Variants in MAP3K7CL observed in about 807,000 individuals in gnomAD.
The protein encoded by MAP3K7CL is MAP3K7 C-terminal-like protein.
A neutral mutation model predicts 18.6 loss-of-function variants in MAP3K7CL; 16 were observed. That is an observed-to-expected ratio of 0.86 (90% CI 0.58 to 1.31). MAP3K7CL has a LOEUF of 1.31. Ranked by LOEUF, MAP3K7CL falls within the 50% of genes most tolerant of loss-of-function variation. The probability of loss-of-function intolerance (pLI) is 0.00; values close to 1 mark genes in which losing one functional copy is unlikely to be tolerated. For synonymous variants in MAP3K7CL, 65 were observed against 66.8 expected (o/e 0.97, Z 0.13); for missense variants, 163 against 174.4 (o/e 0.93, Z 0.37).
rs116067037 is a variant in MAP3K7CL at position 29,133,553 on chromosome 21, G to A, written c.70+139G>A. On this transcript the variant is annotated intron_variant, in intron 2 of 4. Transcript: ENST00000399928. The stretch of plus-strand genomic sequence containing the variant: ...GATGGGGAATGTGATATTTCATCAT[G>A]CATTGTTAGATGGCGGCTTCCAGAA... 1,559 of 548,554 alleles carry A rather than the reference G, an allele frequency of 2.8e-3. 18 individuals are homozygous for A. The highest frequency in any genetic ancestry group is 0.027 in the African/African-American group (1,387 of 51,984). 34.0% of individuals were successfully genotyped at this position (548,554 alleles called of 1,614,324 possible).
At chr21:29,158,767 TAGAG>T (rs74265523) in intron 3 of MAP3K7CL, among the ~76,000 whole-genome samples, 20,613 of 151,996 alleles carry the variant, frequency 0.14, 2,261 homozygotes, top group African/African-American at 0.3. Context: ...AGTTTATATA[TAGAG>T]AGAGACCATT....
intron 4 of MAP3K7CL, among the ~76,000 whole-genome samples, chr21:29,115,733 G>A (rs768989786): frequency 2.0e-5 from 3 of 152,176 alleles, no homozygotes; most frequent in African/African-American, 4.8e-5. Flanking sequence ...CTTTCAAGAC[G>A]GCAGCAGCAT....
At chr21:29,080,235 T>C (rs1364691767) in intron 1 of MAP3K7CL, among the ~76,000 whole-genome samples, 1 of 152,252 alleles carries the variant, frequency 6.6e-6, no homozygotes, top group African/African-American at 2.4e-5. Context: ...GGTCTTCTAC[T>C]GCAAGGCTGG....
At chr21:29,145,431 A>G (rs1331995963) in intron 2 of MAP3K7CL, 1 of 152,194 alleles carries the variant, frequency 6.6e-6, no homozygotes, top group Non-Finnish European at 1.5e-5. Context: ...GATTCAGCCA[A>G]ATGTTTTTGG....
intron 4 of MAP3K7CL, chr21:29,122,320 C>T (rs1444903924): frequency 6.6e-6 from 1 of 152,128 alleles, no homozygotes; most frequent in Non-Finnish European, 1.5e-5. Flanking sequence ...CCCCTGGAGC[C>T]CTGAGGGCAT....
At chr21:29,167,409 AG>A (rs1010062117) in intron 4 of MAP3K7CL, among the ~76,000 whole-genome samples, 2 of 152,226 alleles carry the variant, frequency 1.3e-5, no homozygotes, top group African/African-American at 2.4e-5. Flanking sequence ...CATCTCATCT[AG>A]GGGAACATAT....
intron 4 of MAP3K7CL, among the ~76,000 whole-genome samples, chr21:29,167,373 T>C (rs746854624): frequency 2.9e-4 from 44 of 152,194 alleles, no homozygotes; most frequent in Non-Finnish European, 4.9e-4. Context: ...CTTTTTAAAA[T>C]GTATAAAATG....
In MAP3K7CL at chr21:29,139,479, A is replaced by C. The variant is rs191282944; in HGVS notation, c.70+6065A>C. On this transcript the variant is annotated intron_variant, in intron 2 of 4. Transcript: ENST00000399928. ...CCTCAGGATCCGAAGTAATCTTCGG[A>C]TCTAGTAATCTCTTCTCTCCACACT... 86 of 152,250 alleles carry C rather than the reference A, an allele frequency of 5.6e-4. 1 individual carries two copies. Among genetic ancestry groups the C allele is most frequent in the African/African-American group, 1.9e-3 (79 of 41,524 alleles). The allele number at this position is 152,250 out of a possible 1,614,324, so 9.4% of individuals were successfully genotyped here.
chr21:29,172,241 C>CTTTTTT (rs35612617), intron 4 of MAP3K7CL, among the ~76,000 whole-genome samples: 140 of 126,168 alleles, frequency 1.1e-3, no homozygotes, highest in Middle Eastern at 4.5e-3. Context: ...TTGTCATTTT[C>CTTTTTT]TTTTTTTTTT....
At chr21:29,163,608 C>A (rs940914515) in intron 4 of MAP3K7CL, among the ~76,000 whole-genome samples, 2 of 152,136 alleles carry the variant, frequency 1.3e-5, no homozygotes, top group African/African-American at 4.8e-5. Context: ...TTGGCCTCCT[C>A]ACTTCTCCCG....
At chr21:29,087,463 T>C (rs1165753565) in intron 1 of MAP3K7CL, among the ~76,000 whole-genome samples, 1 of 152,068 alleles carries the variant, frequency 6.6e-6, no homozygotes. Flanking sequence ...GTTCAATAAA[T>C]GAATGAACCT....
intron 3 of MAP3K7CL, among the ~76,000 whole-genome samples, chr21:29,091,948 T>C (rs577862105): frequency 6.6e-6 from 1 of 152,346 alleles, no homozygotes; most frequent in East Asian, 1.9e-4. Context: ...ATGAAGAAAC[T>C]GAGCATGGGG....
At chr21:29,126,849 G>A (rs1379402042), upstream of MAP3K7CL, among the ~76,000 whole-genome samples, 1 of 152,138 alleles carries the variant, frequency 6.6e-6, no homozygotes, top group Non-Finnish European at 1.5e-5. Context: ...TTGCCGTCAT[G>A]GAATATTTCT....
intron 4 of MAP3K7CL, among the ~76,000 whole-genome samples, chr21:29,106,371 CAG>C (rs2086323289): frequency 2.6e-5 from 4 of 152,190 alleles, no homozygotes; most frequent in African/African-American, 9.6e-5. Flanking sequence ...TTAGTAGAGA[CAG>C]AATTTCACCT....
intron 2 of MAP3K7CL, among the ~76,000 whole-genome samples, chr21:29,140,834 G>A (rs953975110): frequency 3.3e-5 from 5 of 152,208 alleles, no homozygotes; most frequent in African/African-American, 7.2e-5. Flanking sequence ...CTGGAGTGCA[G>A]TGGTGCAATC....
chr21:29,120,062 A>G (rs1188514652), intron 4 of MAP3K7CL, among the ~76,000 whole-genome samples: 1 of 152,154 alleles, frequency 6.6e-6, no homozygotes, highest in South Asian at 2.1e-4. Flanking sequence ...TCCATTTCCT[A>G]CTGGTTTCCA....
At chr21:29,085,808 C>T (rs1601120151), upstream of MAP3K7CL, 21 of 1,577,952 alleles carry the variant, frequency 1.3e-5, 1 homozygote, top group South Asian at 2.1e-4. Context: ...CTCTATATCC[C>T]CCAGGTGAAA....
intron 2 of MAP3K7CL, among the ~76,000 whole-genome samples, chr21:29,135,654 C>T (rs991067152): frequency 1.3e-5 from 2 of 152,144 alleles, no homozygotes; most frequent in Admixed American, 6.5e-5. Flanking sequence ...TAATTTGTCA[C>T]CATTCTTTGA....
At chr21:29,156,615 A>G (rs2087410544) in intron 3 of MAP3K7CL, among the ~76,000 whole-genome samples, 1 of 152,244 alleles carries the variant, frequency 6.6e-6, no homozygotes, top group African/African-American at 2.4e-5. Context: ...GATTACCCTC[A>G]GTCAGGACCT....
Sources: gnomAD v4.1 joint callset for allele counts (sites outside exome capture counted in the v4.1 genomes callset) on GRCh38, gnomAD v4.1.1 for gene constraint, MANE v1.5 for transcripts, NCBI Gene and HGNC (gene_info 2026-07-23, HGNC 2026-07-21) for gene names.